The following CSMD3 variants were observed in gnomAD, a reference collection of about 807,000 sequenced individuals.
The protein encoded by CSMD3 is CUB and sushi domain-containing protein 3.
CSMD3 carries 177 observed loss-of-function variants against 435.2 expected under a neutral mutation model. The observed-to-expected ratio is 0.41, with a 90% CI of 0.36 to 0.46. The LOEUF is 0.46. CSMD3 is among the 20% of genes least tolerant of loss of function. The pLI is 0.34. For missense variants in CSMD3, 4,265 were observed against 4,504.6 expected (o/e 0.95, Z 1.52); for synonymous variants, 1,656 against 1,520.5 (o/e 1.09, Z -2.07).
intron 3 of CSMD3, among the ~76,000 whole-genome samples, chr8:113,176,585 G>T (rs1474842290): frequency 6.6e-6 from 1 of 152,050 alleles, no homozygotes; most frequent in Non-Finnish European, 1.5e-5. Flanking sequence ...GTAATAAAAA[G>T]TTTTAGAAAT....
chr8:112,578,920 G>A (rs1409328777), intron 23 of CSMD3, among the ~76,000 whole-genome samples: 2 of 151,946 alleles, frequency 1.3e-5, no homozygotes, highest in Non-Finnish European at 2.9e-5. Context: ...GAGGTGTCGA[G>A]CAATGTACAA....
chr8:112,466,588 A>G (rs73328646), intron 32 of CSMD3, among the ~76,000 whole-genome samples: 8,816 of 152,280 alleles, frequency 0.058, 297 homozygotes, highest in South Asian at 0.12. Context: ...TGCCCAATGG[A>G]AAAACATATA....
chr8:113,053,158 A>G (rs2088171516), intron 5 of CSMD3, among the ~76,000 whole-genome samples: 1 of 152,138 alleles, frequency 6.6e-6, no homozygotes, highest in South Asian at 2.1e-4. Context: ...CTTCTCAGGA[A>G]AAAAGAAATA....
At chr8:112,373,780 T>A (rs946211787) in intron 38 of CSMD3, among the ~76,000 whole-genome samples, 42 of 152,112 alleles carry the variant, frequency 2.8e-4, no homozygotes, top group Admixed American at 1.2e-3. Context: ...CAAAATAGAT[T>A]ATTGGGCGGG....
chr8:113,085,697 T>A (rs2089738570), intron 5 of CSMD3, among the ~76,000 whole-genome samples: 1 of 152,172 alleles, frequency 6.6e-6, no homozygotes, highest in South Asian at 2.1e-4. Flanking sequence ...ATACTACATT[T>A]TCTCACTTAT....
At chr8:113,147,054 C>T (rs2091692149) in intron 4 of CSMD3, among the ~76,000 whole-genome samples, 1 of 151,458 alleles carries the variant, frequency 6.6e-6, no homozygotes, top group African/African-American at 2.4e-5. Flanking sequence ...ATACAACATG[C>T]AACATTATAT....
chr8:112,273,603 G>A (rs911612980), intron 59 of CSMD3, among the ~76,000 whole-genome samples: 1 of 151,822 alleles, frequency 6.6e-6, no homozygotes, highest in Non-Finnish European at 1.5e-5. Flanking sequence ...GCAGGCGCCT[G>A]TAGTCCCAGC....
intron 3 of CSMD3, among the ~76,000 whole-genome samples, chr8:113,235,448 T>G (rs1368460500): frequency 2.6e-5 from 4 of 152,102 alleles, no homozygotes; most frequent in Non-Finnish European, 4.4e-5. Flanking sequence ...ATAAGAATAA[T>G]TTTTAAAAAC....
chr8:112,286,773 A>G (rs1282563641), intron 58 of CSMD3, among the ~76,000 whole-genome samples: 1 of 152,120 alleles, frequency 6.6e-6, no homozygotes, highest in Non-Finnish European at 1.5e-5. Flanking sequence ...ACTACTGTAA[A>G]GAGGAAAGAA....
intron 34 of CSMD3, 139 bp downstream of exon 34, chr8:112,408,179 C>A (rs960047193): frequency 1.5e-6 from 1 of 684,276 alleles, no homozygotes. Context: ...TGACAGTGAT[C>A]TAGTGATGGT....
intron 38 of CSMD3, among the ~76,000 whole-genome samples, chr8:112,360,101 G>C (rs1269167712): frequency 2.6e-5 from 4 of 151,910 alleles, no homozygotes; most frequent in Non-Finnish European, 5.9e-5. Flanking sequence ...TGTATGCTTT[G>C]TCTATACAAT....
intron 5 of CSMD3, among the ~76,000 whole-genome samples, chr8:113,030,676 C>G (rs1319662517): frequency 6.6e-6 from 1 of 150,666 alleles, no homozygotes; most frequent in Non-Finnish European, 1.5e-5. Context: ...TGGACATCAT[C>G]AAAATTAAAC....
At chr8:112,459,652 T>C (rs1467285739) in intron 32 of CSMD3, among the ~76,000 whole-genome samples, 1 of 152,156 alleles carries the variant, frequency 6.6e-6, no homozygotes, top group East Asian at 1.9e-4. Context: ...TAAGCATTTC[T>C]GTTTCATTGG....
chr8:113,338,997 A>C, intron 1 of CSMD3, among the ~76,000 whole-genome samples: 1 of 151,960 alleles, frequency 6.6e-6, no homozygotes, highest in East Asian at 1.9e-4. Flanking sequence ...ACAGATTTTC[A>C]ATGAGCCATT....
intron 6 of CSMD3, among the ~76,000 whole-genome samples, chr8:113,008,365 G>T (rs2131109931): frequency 6.6e-6 from 1 of 151,858 alleles, no homozygotes; most frequent in East Asian, 1.9e-4. Context: ...GTATTTATGT[G>T]ATTTTTGAAC....
chr8:113,224,833 C>A (rs1350313552), intron 3 of CSMD3, among the ~76,000 whole-genome samples: 1 of 150,484 alleles, frequency 6.6e-6, no homozygotes, highest in African/African-American at 2.4e-5. Context: ...TTCTCATTTA[C>A]CTTTGATTAT....
chr8:113,272,855 G>A (rs1300353603), intron 3 of CSMD3, among the ~76,000 whole-genome samples: 1 of 152,116 alleles, frequency 6.6e-6, no homozygotes, highest in Non-Finnish European at 1.5e-5. Flanking sequence ...GCTGGGAAGG[G>A]TAGTGGGGAA....
At chr8:113,405,899 G>A (rs2094530593) in intron 1 of CSMD3, among the ~76,000 whole-genome samples, 1 of 151,772 alleles carries the variant, frequency 6.6e-6, no homozygotes, top group African/African-American at 2.4e-5. Flanking sequence ...GGAACTTGAA[G>A]TTCAGCAGTA....
rs150631418 is a variant in CSMD3 at position 113,424,589 on chromosome 8, A to T, written c.178+12088T>A. 6.6e-3 allele frequency among the ~76,000 whole-genome samples: 962 copies of T among 145,670 alleles called. 9 individuals are homozygous for T. The highest frequency in any genetic ancestry group is 0.022 in the African/African-American group (878 of 40,406). ...GAGTTCTGAGACAAGAGCAAACATT[A>T]AAAAAAAAAGTGTAAGAGCACAGTT... On this transcript the variant is annotated intron_variant, in intron 1 of 70. Transcript: ENST00000297405.
Sources: gnomAD v4.1 joint callset for allele counts (sites outside exome capture counted in the v4.1 genomes callset) on GRCh38, gnomAD v4.1.1 for gene constraint, MANE v1.5 for transcripts, NCBI Gene and HGNC (gene_info 2026-07-23, HGNC 2026-07-21) for gene names.